Variants in WDFY4 observed in about 807,000 individuals in gnomAD.
WDFY4 encodes the protein WDFY family member 4.
Under a neutral mutation model 351.9 loss-of-function variants are expected in WDFY4, and 169 were observed. The ratio of observed to expected loss-of-function variants is 0.48; its 90% CI spans 0.42 to 0.55. The LOEUF (loss-of-function observed/expected upper bound fraction) is 0.55, where lower values mean the gene tolerates loss of function less well. WDFY4 is among the 20% of genes least tolerant of loss of function. The pLI is 0.00. For missense variants in WDFY4, 3,803 were observed against 3,935.6 expected (o/e 0.97, Z 0.90); for synonymous variants, 1,622 against 1,574.6 (o/e 1.03, Z -0.71).
chr10:48,870,229 G>A (rs916622401), intron 40 of WDFY4, among the ~76,000 whole-genome samples: 2 of 152,176 alleles, frequency 1.3e-5, no homozygotes, highest in African/African-American at 4.8e-5. Flanking sequence ...CTACCCAAGG[G>A]TTGCTGTGAT....
chr10:48,807,727 C>G, intron 27 of WDFY4, 132 bp from the exon 28 acceptor site: 1 of 991,164 alleles, frequency 1.0e-6, no homozygotes, highest in South Asian at 1.6e-5. Context: ...GAATAAAATG[C>G]CAAAATTTTG....
intron 1 of WDFY4, among the ~76,000 whole-genome samples, chr10:48,692,159 G>C (rs2063212461): frequency 6.6e-6 from 1 of 152,244 alleles, no homozygotes; most frequent in South Asian, 2.1e-4. Flanking sequence ...GTGGTGTGTA[G>C]GGTGATTGAA....
intron 39 of WDFY4, among the ~76,000 whole-genome samples, chr10:48,865,423 G>C (rs942773304): frequency 6.6e-6 from 1 of 152,124 alleles, no homozygotes; most frequent in African/African-American, 2.4e-5. Flanking sequence ...AATCTCACTT[G>C]GTCATGGTAT....
intron 39 of WDFY4, among the ~76,000 whole-genome samples, chr10:48,833,131 G>A (rs7913005): frequency 0.44 from 65,895 of 150,078 alleles, 15,340 homozygotes; most frequent in East Asian, 0.83. Flanking sequence ...AAAACTCATT[G>A]GCACCAACAA....
intron 39 of WDFY4, among the ~76,000 whole-genome samples, chr10:48,859,205 C>G (rs1183774166): frequency 1.3e-5 from 2 of 152,054 alleles, no homozygotes; most frequent in African/African-American, 4.8e-5. Flanking sequence ...ATCTGTATGG[C>G]TTTTACTTTT....
At chr10:48,790,656 T>C in intron 22 of WDFY4, 71 bp from the exon 23 acceptor site, 1 of 1,499,020 alleles carries the variant, frequency 6.7e-7, no homozygotes, top group Non-Finnish European at 9.0e-7. Flanking sequence ...GGTCCTCCTG[T>C]GCTGTCGGGG....
chr10:48,767,482 A>G (rs780083803), intron 13 of WDFY4, among the ~76,000 whole-genome samples: 1 of 152,224 alleles, frequency 6.6e-6, no homozygotes, highest in Non-Finnish European at 1.5e-5. Flanking sequence ...GTTGATATTG[A>G]ACTGTATGTT....
At chr10:48,784,850 C>CTTTT (rs1255134626) in intron 19 of WDFY4, among the ~76,000 whole-genome samples, 1 of 80,670 alleles carries the variant, frequency 1.2e-5, no homozygotes, top group Non-Finnish European at 2.4e-5. Context: ...GCATCGTTTA[C>CTTTT]TTTTTTTTTT....
intron 1 of WDFY4, among the ~76,000 whole-genome samples, chr10:48,702,281 G>A (rs1448353892): frequency 6.6e-6 from 1 of 152,092 alleles, no homozygotes; most frequent in Non-Finnish European, 1.5e-5. Flanking sequence ...CTACTAAATA[G>A]CAAGTTCTGT....
chr10:48,937,679 T>G (rs567617805), intron 47 of WDFY4, among the ~76,000 whole-genome samples: 1 of 152,372 alleles, frequency 6.6e-6, no homozygotes, highest in Admixed American at 6.5e-5. Flanking sequence ...GTATGCAGAT[T>G]TTCCACGTTA....
At chr10:48,962,698 G>T (rs1841915356) in intron 53 of WDFY4, among the ~76,000 whole-genome samples, 2 of 152,158 alleles carry the variant, frequency 1.3e-5, no homozygotes, top group South Asian at 2.1e-4. Context: ...GCTGACTTCT[G>T]GTGGGAGCTG....
intron 1 of WDFY4, among the ~76,000 whole-genome samples, chr10:48,703,930 C>G (rs1487551782): frequency 6.6e-6 from 1 of 152,130 alleles, no homozygotes; most frequent in Admixed American, 6.5e-5. Context: ...ACCAAGAGAC[C>G]TGGGGGCATG....
chr10:48,883,631 G>A (rs35741253), intron 43 of WDFY4, among the ~76,000 whole-genome samples: 19,051 of 152,090 alleles, frequency 0.13, 1,315 homozygotes, highest in Middle Eastern at 0.21. Context: ...CTCCCCTACC[G>A]TCTCAGAAAT....
In WDFY4 at chr10:48,864,189, T is replaced by C. The variant is rs369168785; in HGVS notation, c.6664-3076T>C. ...GAGATCATGCAGATGTACTTTTAAG[T>C]TTTCTTCTAAGAGTTTTATAGTTTT... On this transcript the variant is annotated intron_variant, in intron 39 of 61. Coordinates refer to ENST00000325239, the MANE Select transcript of WDFY4 (RefSeq NM_001394531.1). Among the ~76,000 whole-genome samples, 12 of 152,318 alleles carry C rather than the reference T, an allele frequency of 7.9e-5. No individual in the cohort carries two copies. The East Asian group carries it at 1.7e-3, about 22-fold the overall frequency.
intron 15 of WDFY4, among the ~76,000 whole-genome samples, chr10:48,776,194 C>T (rs1009609323): frequency 1.3e-5 from 2 of 152,228 alleles, no homozygotes; most frequent in African/African-American, 2.4e-5. Flanking sequence ...GCAGGTGGTA[C>T]CCCTGTGTCA....
intron 1 of WDFY4, among the ~76,000 whole-genome samples, chr10:48,693,701 A>G (rs1176458573): frequency 6.6e-6 from 1 of 152,240 alleles, no homozygotes; most frequent in East Asian, 1.9e-4. Flanking sequence ...GTCACAGAAA[A>G]GCAAAGAGAC....
chr10:48,819,140 A>C (rs1213393338), intron 32 of WDFY4, among the ~76,000 whole-genome samples: 6 of 152,154 alleles, frequency 3.9e-5, no homozygotes, highest in Non-Finnish European at 7.4e-5. Context: ...TGCCCAGGGG[A>C]GGGTCTGGCC....
rs1437407519 is a variant in WDFY4, at chr10:48,975,016, C to T, written c.9083C>T (p.Ser3028Leu). Residue 3028 changes from serine to leucine, a missense_variant, in exon 58 of 62, where the codon TCA (serine) becomes TTA (leucine). Coordinates refer to ENST00000325239, the MANE Select transcript of WDFY4 (RefSeq NM_001394531.1). ...TRLPAHREGI[S>L]AITISDVSGT... is the part of the protein sequence containing the mutation. ...CTGCCCGCCCATCGGGAAGGCATCT[C>T]AGCCATCACCATCAGTGACGTCTCA... is the stretch of plus-strand genomic sequence containing the variant. 1 of 1,551,746 alleles carries T rather than the reference C, an allele frequency of 6.4e-7. No homozygotes were observed.
intron 8 of WDFY4, 110 bp from the exon 9 acceptor site, chr10:48,731,000 G>T: frequency 8.2e-7 from 1 of 1,226,492 alleles, no homozygotes; most frequent in Non-Finnish European, 1.1e-6. Context: ...GCCCATAGGA[G>T]TTAGAACACA....
Sources: allele counts gnomAD v4.1 joint callset (sites outside exome capture counted in the v4.1 genomes callset), GRCh38; gene constraint gnomAD v4.1.1; transcripts MANE v1.5; gene names NCBI Gene and HGNC (gene_info 2026-07-23, HGNC 2026-07-21).